The following CCSER1 variants were observed in gnomAD, a reference collection of about 807,000 sequenced individuals.
CCSER1 encodes coiled-coil serine rich protein 1.
Under a neutral mutation model 82.0 loss-of-function variants are expected in CCSER1, and 41 were observed. That is an observed-to-expected ratio of 0.50 (90% CI 0.39 to 0.65). The LOEUF (loss-of-function observed/expected upper bound fraction) is 0.65, where lower values mean the gene tolerates loss of function less well. Ranked by LOEUF, CCSER1 falls within the 30% of genes least tolerant of loss-of-function variation. The probability of loss-of-function intolerance (pLI) is 0.00; values close to 1 mark genes in which losing one functional copy is unlikely to be tolerated. For synonymous variants in CCSER1, 414 were observed against 383.9 expected (o/e 1.08, Z -0.92); for missense variants, 1,119 against 1,064.2 (o/e 1.05, Z -0.72).
chr4:90,957,098 C>CTTTTTTT (rs1215668480), intron 9 of CCSER1, among the ~76,000 whole-genome samples: 1 of 86,708 alleles, frequency 1.2e-5, no homozygotes, highest in African/African-American at 4.0e-5. Flanking sequence ...TCTTTCTTTC[C>CTTTTTTT]TTTTTTTTTT....
chr4:91,224,914 A>G (rs958732015), intron 10 of CCSER1, among the ~76,000 whole-genome samples: 1 of 151,782 alleles, frequency 6.6e-6, no homozygotes. Context: ...AAAAATGTGT[A>G]TTAGGTAAAT....
At chr4:90,233,252 A>C (rs2153429509) in intron 1 of CCSER1, among the ~76,000 whole-genome samples, 1 of 152,274 alleles carries the variant, frequency 6.6e-6, no homozygotes, top group East Asian at 1.9e-4. Flanking sequence ...GACTGGATTA[A>C]GAAAATGTGG....
intron 7 of CCSER1, among the ~76,000 whole-genome samples, chr4:90,811,900 AATAT>A (rs201252560): frequency 3.2e-5 from 4 of 126,648 alleles, no homozygotes; most frequent in African/African-American, 1.2e-4. Context: ...GAACTGATGG[AATAT>A]ATATATACAC....
At chr4:91,026,954 G>A (rs951732813) in intron 9 of CCSER1, among the ~76,000 whole-genome samples, 4 of 151,810 alleles carry the variant, frequency 2.6e-5, no homozygotes, top group Middle Eastern at 3.2e-3. Flanking sequence ...TAAATTCAAT[G>A]TAAAATTTTC....
In CCSER1 at chr4:90,537,842, T is replaced by A. The variant is rs1456463629; in HGVS notation, c.1724+69488T>A. ...GATTGTTAACCCTCCAGTTTTATGA[T>A]TTGCATTTTATCTTGCAAGACCCTA... is the stretch of plus-strand genomic sequence containing the variant. On this transcript the variant is annotated intron_variant, in intron 5 of 10. Coordinates refer to ENST00000509176, the MANE Select transcript of CCSER1 (RefSeq NM_001145065.2). Among the ~76,000 whole-genome samples the A allele has an allele frequency of 3.9e-5, 6 of 152,304 alleles. No homozygotes were observed. In the South Asian group the frequency reaches 6.2e-4, roughly 16 times the overall value.
intron 7 of CCSER1, among the ~76,000 whole-genome samples, chr4:90,788,101 C>T (rs1754759641): frequency 6.6e-6 from 1 of 152,088 alleles, no homozygotes; most frequent in African/African-American, 2.4e-5. Flanking sequence ...CCATCAATTT[C>T]TAATATTATC....
At chr4:91,359,135 A>G (rs180777173) in intron 10 of CCSER1, among the ~76,000 whole-genome samples, 4 of 152,024 alleles carry the variant, frequency 2.6e-5, no homozygotes, top group Middle Eastern at 3.4e-3. Flanking sequence ...GTCGTGATTG[A>G]TTTGAGCAAG....
intron 6 of CCSER1, among the ~76,000 whole-genome samples, chr4:90,664,563 C>T (rs1046473617): frequency 6.6e-6 from 1 of 152,032 alleles, no homozygotes; most frequent in South Asian, 2.1e-4. Flanking sequence ...AATTTAGATA[C>T]TTGGGTAATT....
chr4:91,126,060 T>C lies in CCSER1; in HGVS notation c.2217+40066T>C, dbSNP rs527492520. 2.8e-3 allele frequency among the ~76,000 whole-genome samples: 431 copies of C among 151,826 alleles called. 1 individual carries two copies. The highest frequency in any genetic ancestry group is 9.8e-3 in the African/African-American group (406 of 41,524). ...TATTACTCACAGGGGAAAAAAGTTA[T>C]AGATAAGTTAGTATGAGACTTATGT... On this transcript the variant is annotated intron_variant, in intron 10 of 10. Transcript: ENST00000509176.
At chr4:91,470,157 A>G (rs1757183391) in intron 10 of CCSER1, among the ~76,000 whole-genome samples, 1 of 152,178 alleles carries the variant, frequency 6.6e-6, no homozygotes, top group Non-Finnish European at 1.5e-5. Context: ...TATTTTGTAA[A>G]CTTGCTAAAC....
intron 10 of CCSER1, among the ~76,000 whole-genome samples, chr4:91,149,228 G>A (rs866823072): frequency 3.9e-5 from 6 of 152,276 alleles, no homozygotes; most frequent in Non-Finnish European, 5.9e-5. Flanking sequence ...TTCTCTGATG[G>A]CCAGTGATGA....
At chr4:90,721,376 A>AG (rs942797820) in intron 6 of CCSER1, among the ~76,000 whole-genome samples, 9 of 151,728 alleles carry the variant, frequency 5.9e-5, no homozygotes, top group African/African-American at 9.7e-5. Flanking sequence ...TTAAAAAAAA[A>AG]TTCATGAGAA....
At chr4:91,013,573 C>T (rs1487299597) in intron 9 of CCSER1, among the ~76,000 whole-genome samples, 1 of 127,964 alleles carries the variant, frequency 7.8e-6, no homozygotes, top group African/African-American at 2.6e-5. Flanking sequence ...TGTCTGTTTC[C>T]ATTGTGGTTC....
intron 10 of CCSER1, among the ~76,000 whole-genome samples, chr4:91,222,616 T>TG (rs1259740029): frequency 2.6e-5 from 4 of 152,256 alleles, no homozygotes; most frequent in African/African-American, 9.6e-5. Context: ...GCCAAATTAC[T>TG]GGGTTTTTTT....
rs925447514 is a variant in CCSER1, at chr4:90,433,866, G to GGA, written c.1603+33740_1603+33741dup. On this transcript the variant is annotated intron_variant, in intron 4 of 10. Transcript: ENST00000509176. ...TGGATGTTCATAATTTTGATTTCCT[G>GGA]GAGATATATATATATATATATGCAA... Among the ~76,000 whole-genome samples, 10 of 139,534 alleles carry GGA rather than the reference G, an allele frequency of 7.2e-5. No homozygotes were observed. The East Asian group carries it at 8.1e-4, about 11-fold the overall frequency. 91.5% of individuals were successfully genotyped at this position (139,534 alleles called of 152,430 possible).
At chr4:90,723,474 TG>T (rs1307922865) in intron 6 of CCSER1, among the ~76,000 whole-genome samples, 5 of 151,766 alleles carry the variant, frequency 3.3e-5, no homozygotes, top group Non-Finnish European at 5.9e-5. Context: ...GTTTACATAA[TG>T]AAAAAAATGG....
intron 6 of CCSER1, among the ~76,000 whole-genome samples, chr4:90,650,867 A>T (rs1459213613): frequency 6.6e-6 from 1 of 152,332 alleles, no homozygotes; most frequent in South Asian, 2.1e-4. Context: ...ATTGCTTTAA[A>T]TATGTGAAAT....
At chr4:91,195,940 G>A in intron 10 of CCSER1, among the ~76,000 whole-genome samples, 1 of 151,680 alleles carries the variant, frequency 6.6e-6, no homozygotes, top group Non-Finnish European at 1.5e-5. Flanking sequence ...GGATGGTCTC[G>A]ATCTCCTGAC....
intron 10 of CCSER1, among the ~76,000 whole-genome samples, chr4:91,441,075 A>T (rs1314006313): frequency 6.6e-6 from 1 of 152,114 alleles, no homozygotes; most frequent in Non-Finnish European, 1.5e-5. Context: ...TTCTGAAACT[A>T]TTCCAATCAA....
Sources: gnomAD v4.1 joint callset for allele counts (sites outside exome capture counted in the v4.1 genomes callset) on GRCh38, gnomAD v4.1.1 for gene constraint, MANE v1.5 for transcripts, NCBI Gene and HGNC (gene_info 2026-07-23, HGNC 2026-07-21) for gene names.